Variants in WDR27 observed in about 807,000 individuals in gnomAD.
WDR27 encodes the protein WD repeat-containing protein 27.
Under a neutral mutation model 114.4 loss-of-function variants are expected in WDR27, and 100 were observed. The ratio of observed to expected loss-of-function variants is 0.87; its 90% CI spans 0.74 to 1.03. The LOEUF is 1.03. WDR27 is among the 50% of genes least tolerant of loss of function. The pLI is 0.00. For missense variants in WDR27, 1,129 were observed against 1,092.9 expected (o/e 1.03, Z -0.47); for synonymous variants, 449 against 423.1 (o/e 1.06, Z -0.75).
the WDR27 span, among the ~76,000 whole-genome samples, chr6:169,438,554 A>T: frequency 1.3e-5 from 2 of 152,098 alleles, no homozygotes; most frequent in Non-Finnish European, 2.9e-5. Flanking sequence ...TACTTTTTCT[A>T]AAAGCCATGC....
downstream of WDR27, among the ~76,000 whole-genome samples, chr6:169,452,309 TTGAAAGAAACG>T (rs1784183046): frequency 6.6e-6 from 1 of 152,240 alleles, no homozygotes; most frequent in African/African-American, 2.4e-5. Context: ...CGCTCCTTGC[TTGAAAGAAACG>T]TTTGCGATTT....
intron 6 of WDR27, chr6:169,666,712 AC>A: frequency 4.0e-6 from 4 of 988,708 alleles, no homozygotes; most frequent in Non-Finnish European, 4.8e-6. Flanking sequence ...CACGAGCTGC[AC>A]ACGTGCTCAG....
chr6:169,606,772 A>G (rs1426964462), intron 22 of WDR27, among the ~76,000 whole-genome samples: 1 of 152,242 alleles, frequency 6.6e-6, no homozygotes, highest in Non-Finnish European at 1.5e-5. Context: ...TGCAATGAAC[A>G]TATGCATGCA....
intron 25 of WDR27, among the ~76,000 whole-genome samples, chr6:169,522,954 A>G (rs1794562827): frequency 6.6e-6 from 1 of 152,002 alleles, no homozygotes; most frequent in South Asian, 2.1e-4. Flanking sequence ...AAGGAAAATA[A>G]TAAAGATCAG....
intron 25 of WDR27, among the ~76,000 whole-genome samples, chr6:169,502,687 GC>G (rs1198644209): frequency 1.3e-5 from 2 of 152,110 alleles, no homozygotes; most frequent in Non-Finnish European, 1.5e-5. Flanking sequence ...TCCCTCTTAA[GC>G]TCCCTCGTGA....
intron 25 of WDR27, among the ~76,000 whole-genome samples, chr6:169,523,790 G>A (rs114733140): frequency 0.016 from 2,483 of 151,896 alleles, 65 homozygotes; most frequent in African/African-American, 0.057. Flanking sequence ...AGGAACATAC[G>A]TCAAAATAAT....
intron 21 of WDR27, among the ~76,000 whole-genome samples, chr6:169,632,273 A>G (rs543096829): frequency 1.3e-5 from 2 of 152,238 alleles, no homozygotes; most frequent in South Asian, 4.1e-4. Context: ...GCAATACTTC[A>G]CTTGGCAAAA....
At chr6:169,658,207 C>CA (rs1301403814) in intron 13 of WDR27, 69 bp downstream of exon 13, 1 of 1,255,648 alleles carries the variant, frequency 8.0e-7, no homozygotes, top group Admixed American at 2.0e-5. Flanking sequence ...CAAAGCAATG[C>CA]AGCAGCCCTA....
chr6:169,537,512 G>A (rs1584055279), intron 25 of WDR27, among the ~76,000 whole-genome samples: 1 of 152,310 alleles, frequency 6.6e-6, no homozygotes, highest in South Asian at 2.1e-4. Flanking sequence ...GAAGAGCTTG[G>A]TGTAAAATAG....
At chr6:169,614,047 A>G (rs1446431023) in intron 21 of WDR27, among the ~76,000 whole-genome samples, 1 of 152,162 alleles carries the variant, frequency 6.6e-6, no homozygotes, top group Non-Finnish European at 1.5e-5. Flanking sequence ...TAATCTGCCA[A>G]TTATCAACCC....
the WDR27 span, among the ~76,000 whole-genome samples, chr6:169,429,130 G>A: frequency 6.6e-6 from 1 of 152,094 alleles, no homozygotes; most frequent in South Asian, 2.1e-4. Flanking sequence ...TCCAGCCCCA[G>A]GCTCCTCTCT....
chr6:169,479,426 A>C (rs535427944), intron 25 of WDR27, among the ~76,000 whole-genome samples: 1 of 152,336 alleles, frequency 6.6e-6, no homozygotes, highest in South Asian at 2.1e-4. Context: ...AAGACAAAGA[A>C]GGACATTAAA....
At chr6:169,455,622 G>A (rs912005388), downstream of WDR27, among the ~76,000 whole-genome samples, 1 of 152,228 alleles carries the variant, frequency 6.6e-6, no homozygotes, top group Non-Finnish European at 1.5e-5. Context: ...TCGGAACCAG[G>A]CAGGGAAGCC....
intron 2 of WDR27, among the ~76,000 whole-genome samples, chr6:169,681,271 G>C (rs913300972): frequency 6.6e-6 from 1 of 152,182 alleles, no homozygotes; most frequent in Non-Finnish European, 1.5e-5. Context: ...CAGACAAAAT[G>C]AGTAAGTATC....
At position 169,701,707 on chromosome 6, in the gene WDR27, C is replaced by G. The variant is rs554636509; in HGVS notation, c.-164G>C. ...GAGGAGGCTTCGGGTGACGAGACAGCGGGCAACGGCTCTGGTCCAGAGCGC... is the reference window on the plus strand; with the variant it reads ...GAGGAGGCTTCGGGTGACGAGACAGGGGGCAACGGCTCTGGTCCAGAGCGC... On this transcript the variant is annotated 5_prime_UTR_variant, in exon 1 of 26. Transcript: ENST00000448612. 1.1e-5 allele frequency: 2 copies of G among 183,204 alleles called. No homozygotes were observed. Among genetic ancestry groups the G allele is most frequent in the Admixed American group, 1.2e-4 (2 of 16,310 alleles). The allele number at this position is 183,204 out of a possible 1,614,324, so 11.3% of individuals were successfully genotyped here. A position where few individuals can be genotyped will look rare whatever the true frequency, so the allele number is the denominator to read the frequency against.
In WDR27 at chr6:169,457,356, G is replaced by A. The variant is rs1047910; in HGVS notation, c.*236C>T. ...CAAATTCTGTGCAGAAGTACTGGAC[G>A]CCATTTCCATTTTCCCAATGAAGGG... is the stretch of plus-strand genomic sequence containing the variant. On this transcript the variant is annotated 3_prime_UTR_variant, in exon 26 of 26. Coordinates refer to ENST00000448612, the MANE Select transcript of WDR27 (RefSeq NM_182552.5). 0.29 allele frequency: 116,562 copies of A among 403,948 alleles called. 19,406 individuals carry two copies. The highest frequency in any genetic ancestry group is 0.55 in the African/African-American group (26,873 of 48,706). 25.0% of individuals were successfully genotyped at this position (403,948 alleles called of 1,614,324 possible). A position where few individuals can be genotyped will look rare whatever the true frequency, so the allele number is the denominator to read the frequency against.
rs150130457 is a variant in WDR27 at position 169,486,648 on chromosome 6, C to T, written c.2646-29014G>A. Among the ~76,000 whole-genome samples, 665 of 152,252 alleles carry T rather than the reference C, an allele frequency of 4.4e-3. 5 individuals carry two copies. Among genetic ancestry groups the T allele is most frequent in the African/African-American group, 0.015 (639 of 41,532 alleles). On this transcript the variant is annotated intron_variant, in intron 25 of 25. Transcript: ENST00000448612. Reference sequence around the variant, plus strand: ...CTGGGATTATGGGCAAATGCCACCACGCCCAGCTAATTTTCATATTTTTAG... The same window carrying T: ...CTGGGATTATGGGCAAATGCCACCATGCCCAGCTAATTTTCATATTTTTAG...
Position 169,647,850 on chromosome 6 carries a change from C to A in WDR27, c.1580G>T (p.Cys527Phe). ...GGGGCCGGGCTTGGTGGGCACAGCG[C>A]ACTCCACGGGGTATGCCTCCCTGAG... ...SCAREAYPVECAVPTKPGPQV... is the reference protein window; with the variant it reads ...SCAREAYPVEFAVPTKPGPQV... Residue 527 changes from cysteine to phenylalanine, a missense_variant, in exon 16 of 26, where the codon TGC becomes TTC. By Grantham distance (205) the Cys-to-Phe change is radical. Coordinates refer to ENST00000448612, the MANE Select transcript of WDR27 (RefSeq NM_182552.5). 1.3e-6 allele frequency: 2 copies of A among 1,573,372 alleles called. No homozygotes were observed. The highest frequency in any genetic ancestry group is 2.3e-5 in the East Asian group (1 of 43,114).
At chr6:169,698,351 A>G (rs890612381) in intron 1 of WDR27, among the ~76,000 whole-genome samples, 4 of 152,002 alleles carry the variant, frequency 2.6e-5, no homozygotes, top group Non-Finnish European at 4.4e-5. Flanking sequence ...GCAGGGTGGT[A>G]CAGACAGGGA....
Sources: gnomAD v4.1 joint callset for allele counts (sites outside exome capture counted in the v4.1 genomes callset) on GRCh38, gnomAD v4.1.1 for gene constraint, MANE v1.5 for transcripts, NCBI Gene and HGNC (gene_info 2026-07-23, HGNC 2026-07-21) for gene names.